HEG1: variants seen among roughly 807,000 people sequenced by gnomAD.
The protein encoded by HEG1 is heart development protein with EGF like domains 1, also known as protein HEG homolog 1.
In HEG1, 56 loss-of-function variants were observed where a neutral mutation model predicts 125.6. The observed-to-expected ratio is 0.45, with a 90% CI of 0.36 to 0.56. HEG1 has a LOEUF of 0.56. HEG1 is among the 20% of genes least tolerant of loss of function. The probability of loss-of-function intolerance (pLI) is 0.00; values close to 1 mark genes in which losing one functional copy is unlikely to be tolerated. For missense variants in HEG1, 1,523 were observed against 1,670.0 expected (o/e 0.91, Z 1.53); for synonymous variants, 644 against 668.5 (o/e 0.96, Z 0.57).
intron 14 of HEG1, among the ~76,000 whole-genome samples, chr3:124,981,015 T>C (rs1424343053): frequency 6.6e-6 from 1 of 151,602 alleles, no homozygotes; most frequent in Admixed American, 6.6e-5. Context: ...TAAGTTTTGG[T>C]TTTTGTAGGG....
Position 125,009,797 on chromosome 3 carries a change from C to T in HEG1, c.3101G>A (p.Cys1034Tyr). Residue 1034 changes from cysteine to tyrosine, a missense_variant, in exon 8 of 17, where the codon TGC (cysteine) becomes TAC (tyrosine). Cys to Tyr is a radical substitution (Grantham distance 194). Transcript: ENST00000311127. Reference protein sequence around the residue: ...VDVNECLSNPCPSTAMCNNTQ... With the variant: ...VDVNECLSNPYPSTAMCNNTQ... ...ATTGTTGCACATGGCTGTGGATGGG[C>T]AGGGGTTCGACAGGCACTCATTCAC... 6.2e-7 allele frequency: 1 copy of T among 1,613,422 alleles called. No homozygotes were observed. Among genetic ancestry groups the T allele is most frequent in the Non-Finnish European group, 8.5e-7 (1 of 1,179,574 alleles).
intron 14 of HEG1, 23 bp from the exon 15 acceptor site, chr3:124,977,969 A>C: frequency 1.4e-6 from 2 of 1,430,190 alleles, no homozygotes; most frequent in Non-Finnish European, 1.9e-6. Context: ...CAAACAAAAA[A>C]GCATATTGGC....
At chr3:125,024,458 C>T (rs185958233) in intron 3 of HEG1, among the ~76,000 whole-genome samples, 208 of 152,266 alleles carry the variant, frequency 1.4e-3, no homozygotes, top group Non-Finnish European at 2.3e-3. Context: ...AGCTTTTTTC[C>T]CTGTTCGTTG....
intron 1 of HEG1, among the ~76,000 whole-genome samples, chr3:125,044,595 T>A (rs1381988515): frequency 6.6e-6 from 1 of 152,120 alleles, no homozygotes; most frequent in Admixed American, 6.6e-5. Context: ...AACTGAGGTG[T>A]AGTGAGATTA....
chr3:125,049,134 C>T (rs1360658711), intron 1 of HEG1, among the ~76,000 whole-genome samples: 1 of 152,178 alleles, frequency 6.6e-6, no homozygotes, highest in African/African-American at 2.4e-5. Flanking sequence ...TCCCACTAAA[C>T]AGTTCAGAAT....
rs557431425 is a variant in HEG1 at position 124,980,929 on chromosome 3, A to T, written c.3734-2983T>A. Among the ~76,000 whole-genome samples the T allele has an allele frequency of 7.9e-5, 12 of 151,332 alleles. No homozygotes were observed. The East Asian group carries it at 1.9e-3, about 25-fold the overall frequency. The stretch of plus-strand genomic sequence containing the variant: ...GAGTGCAGTGGCAAAATCACAGTTC[A>T]CTACAGCCTTCAACTCCTGGGCTCA... On this transcript the variant is annotated intron_variant, in intron 14 of 16. Coordinates refer to ENST00000311127, the MANE Select transcript of HEG1 (RefSeq NM_020733.2).
At chr3:124,985,526 GGAGGCAAGGGGAGT>G (rs1342568205) in intron 14 of HEG1, among the ~76,000 whole-genome samples, 19 of 152,196 alleles carry the variant, frequency 1.2e-4, no homozygotes, top group African/African-American at 4.3e-4. Context: ...AGAAAAGGGT[GGAGGCAAGGGGAGT>G]GAGAGACACA....
intron 3 of HEG1, among the ~76,000 whole-genome samples, chr3:125,022,924 T>C (rs997629939): frequency 6.6e-6 from 1 of 152,202 alleles, no homozygotes; most frequent in Non-Finnish European, 1.5e-5. Context: ...CCGGGTGCAG[T>C]GGCTCATGCC....
chr3:125,005,288 C>T lies in HEG1; in HGVS notation c.3274G>A (p.Val1092Ile). ...ACCGTTTTGGTGATCTCATTTTCAA[C>T]TTCTTGTAGGTCTGAATGTTTTTCC... ...TVEKHSDLQE[V>I]ENEITKTLNM... The change falls in exon 9 of 17, where the codon GTT becomes ATT. Residue 1092 changes from valine to isoleucine, a missense_variant. Physicochemically the swap from Val to Ile is conservative, Grantham distance 29 (BLOSUM62 3). Transcript: ENST00000311127. 3 of 1,597,528 alleles carry T rather than the reference C, an allele frequency of 1.9e-6. No homozygotes were observed. Among genetic ancestry groups the T allele is most frequent in the East Asian group, 4.5e-5 (2 of 44,750 alleles).
At chr3:125,034,523 C>T (rs1468907951) in intron 1 of HEG1, among the ~76,000 whole-genome samples, 2 of 152,108 alleles carry the variant, frequency 1.3e-5, no homozygotes, top group African/African-American at 4.8e-5. Context: ...ATTCACTAGG[C>T]ATGGTGGCTC....
chr3:124,974,249 T>C (rs1936496289), intron 15 of HEG1, among the ~76,000 whole-genome samples: 1 of 152,016 alleles, frequency 6.6e-6, no homozygotes, highest in Non-Finnish European at 1.5e-5. Flanking sequence ...GGGTCATAAA[T>C]TCACAGAATG....
At chr3:125,047,508 G>A (rs1381840355) in intron 1 of HEG1, among the ~76,000 whole-genome samples, 1 of 152,200 alleles carries the variant, frequency 6.6e-6, no homozygotes, top group Non-Finnish European at 1.5e-5. Context: ...GAGACTGTCT[G>A]ACGCTTCCAA....
At chr3:124,986,082 C>T (rs1056824775) in intron 14 of HEG1, among the ~76,000 whole-genome samples, 4 of 152,148 alleles carry the variant, frequency 2.6e-5, no homozygotes, top group Non-Finnish European at 5.9e-5. Context: ...CTTGCCCTTT[C>T]CAGTTTCTCT....
chr3:125,047,065 C>T (rs1470258663), intron 1 of HEG1, among the ~76,000 whole-genome samples: 1 of 152,220 alleles, frequency 6.6e-6, no homozygotes, highest in Non-Finnish European at 1.5e-5. Flanking sequence ...TGGCTCTTTC[C>T]TCTCCATGTT....
intron 15 of HEG1, among the ~76,000 whole-genome samples, chr3:124,977,355 T>C (rs1220078554): frequency 1.3e-5 from 2 of 152,226 alleles, no homozygotes; most frequent in Non-Finnish European, 2.9e-5. Context: ...ACTAAGACAA[T>C]GTGCTTATTG....
At chr3:125,050,202 G>A (rs1312359402) in intron 1 of HEG1, among the ~76,000 whole-genome samples, 4 of 149,026 alleles carry the variant, frequency 2.7e-5, no homozygotes, top group Non-Finnish European at 4.4e-5. Context: ...AGAGTGTAGT[G>A]GTGTACTCTC....
intron 1 of HEG1, among the ~76,000 whole-genome samples, chr3:125,042,796 A>C (rs1000677252): frequency 1.3e-5 from 2 of 152,188 alleles, no homozygotes; most frequent in Non-Finnish European, 2.9e-5. Flanking sequence ...GGTGGCCAGC[A>C]GCGGGATATT....
chr3:124,992,667 T>G (rs1471959752), intron 12 of HEG1, among the ~76,000 whole-genome samples: 1 of 152,270 alleles, frequency 6.6e-6, no homozygotes, highest in African/African-American at 2.4e-5. Context: ...ACTTTCCTCA[T>G]GACGATGTGT....
chr3:125,014,927 G>A (rs141260685), intron 5 of HEG1: 14 of 1,289,418 alleles, frequency 1.1e-5, no homozygotes, highest in African/African-American at 3.0e-5. Flanking sequence ...TGTGGGTGCC[G>A]AGAGAGGGCA....
Sources: gnomAD v4.1 joint callset for allele counts (sites outside exome capture counted in the v4.1 genomes callset) on GRCh38, gnomAD v4.1.1 for gene constraint, MANE v1.5 for transcripts, NCBI Gene and HGNC (gene_info 2026-07-23, HGNC 2026-07-21) for gene names.